BANP: variants seen among roughly 807,000 people sequenced by gnomAD.
The protein encoded by BANP is BTG3 associated nuclear protein.
BANP carries 11 observed loss-of-function variants against 68.1 expected under a neutral mutation model. The ratio of observed to expected loss-of-function variants is 0.16; its 90% confidence interval spans 0.10 to 0.27. The LOEUF (loss-of-function observed/expected upper bound fraction) is 0.27, where lower values mean the gene tolerates loss of function less well. Ranked by LOEUF, BANP falls within the 10% of genes least tolerant of loss-of-function variation. BANP has a pLI of 1.00. For synonymous variants in BANP, 329 were observed against 303.2 expected (o/e 1.09, Z -0.88); for missense variants, 504 against 722.7 (o/e 0.70, Z 3.47).
chr16:88,025,538 C>T (rs72818522), intron 7 of BANP, among the ~76,000 whole-genome samples: 28,309 of 152,102 alleles, frequency 0.19, 3,239 homozygotes, highest in South Asian at 0.28. Flanking sequence ...GGTGTTCTTC[C>T]CTCTCATCCT....
chr16:88,038,188 C>A (rs1187383940), intron 11 of BANP, among the ~76,000 whole-genome samples, 177 bp downstream of exon 11: 2 of 150,950 alleles, frequency 1.3e-5, no homozygotes, highest in African/African-American at 2.4e-5. Context: ...GGGCATTGCG[C>A]TGCCGAGGGG....
chr16:87,971,581 T>G (rs926537765), intron 1 of BANP, among the ~76,000 whole-genome samples: 4 of 151,900 alleles, frequency 2.6e-5, no homozygotes, highest in Non-Finnish European at 5.9e-5. Flanking sequence ...GGCTAAAAAA[T>G]TTTTCTTTAA....
intron 10 of BANP, 48 bp from the exon 11 acceptor site, chr16:88,037,925 C>T: frequency 6.3e-7 from 1 of 1,582,000 alleles, no homozygotes; most frequent in Middle Eastern, 1.7e-4. Context: ...CTGAGGGTGT[C>T]TTGGTGTGTT....
At chr16:87,982,813 G>A (rs575780180) in intron 3 of BANP, 5 of 152,344 alleles carry the variant, frequency 3.3e-5, no homozygotes, top group Admixed American at 3.3e-4. Flanking sequence ...GTGTACGCCA[G>A]GTTTCCATGC....
At chr16:87,967,139 C>T (rs537544574) in intron 1 of BANP, among the ~76,000 whole-genome samples, 1 of 152,140 alleles carries the variant, frequency 6.6e-6, no homozygotes, top group Admixed American at 6.5e-5. Flanking sequence ...TGGGCTCTTC[C>T]GTGAGCTCTG....
rs1027642364 is a variant in BANP, at chr16:87,957,313, G to A, written c.-69+5798G>A. ...CACATGGAGCAGAGGCGGCTGAGGA[G>A]GTGAAAGGCTGAGAGGAGGCTGCAG... On this transcript the variant is annotated intron_variant, in intron 1 of 13. Coordinates refer to ENST00000682872, the MANE Select transcript of BANP (RefSeq NM_001386991.1). The surrounding 1 kb of genome is among the most constrained non-coding windows in gnomAD (Gnocchi z 4.3). Among the ~76,000 whole-genome samples, 4 of 152,222 alleles carry A rather than the reference G, an allele frequency of 2.6e-5. No homozygotes were observed. Among genetic ancestry groups the A allele is most frequent in the African/African-American group, 9.6e-5 (4 of 41,458 alleles).
At chr16:88,027,115 G>A (rs2077152987) in intron 7 of BANP, among the ~76,000 whole-genome samples, 1 of 152,236 alleles carries the variant, frequency 6.6e-6, no homozygotes, top group African/African-American at 2.4e-5. Flanking sequence ...CAGGACCTTG[G>A]GTGCTGCTGT....
chr16:87,964,724 T>C (rs915783492), intron 1 of BANP, among the ~76,000 whole-genome samples: 1 of 151,882 alleles, frequency 6.6e-6, no homozygotes, highest in African/African-American at 2.4e-5. Context: ...TGTGAGCAGG[T>C]CTGAGGGGCG....
intron 1 of BANP, chr16:87,956,660 T>C (rs2058103057): frequency 1.3e-5 from 2 of 152,088 alleles, no homozygotes; most frequent in African/African-American, 4.8e-5. Flanking sequence ...CCGCCTGCTT[T>C]GGTTGTAATC....
Position 88,038,840 on chromosome 16 carries a change from T to C in BANP, c.1311+829T>C, listed in dbSNP as rs571584830. 1.1e-3 allele frequency among the ~76,000 whole-genome samples: 167 copies of C among 152,312 alleles called. 1 individual carries two copies. Among genetic ancestry groups the C allele is most frequent in the African/African-American group, 3.6e-3 (151 of 41,560 alleles). On this transcript the variant is annotated intron_variant, in intron 11 of 13. Coordinates refer to ENST00000682872, the MANE Select transcript of BANP (RefSeq NM_001386991.1). ...GGATCACTGAAGAATCTGGGTGATCTTCCCATTTCATAAAACAGAAGCTGG... is the reference window on the plus strand; with the variant it reads ...GGATCACTGAAGAATCTGGGTGATCCTCCCATTTCATAAAACAGAAGCTGG...
chr16:88,065,145 C>T (rs1405401430), intron 11 of BANP, 122 bp from the exon 12 acceptor site: 1 of 565,434 alleles, frequency 1.8e-6, no homozygotes, highest in Non-Finnish European at 3.2e-6. Flanking sequence ...AACAAACGAC[C>T]ACAGACCCCG....
Position 87,957,431 on chromosome 16 carries a change from G to A in BANP, c.-69+5916G>A, listed in dbSNP as rs749917034. ...TGCTCGTCTGTGTCCACATTCTGTC[G>A]TGGTTGAGACCGGATCCTGTGTGGA... On this transcript the variant is annotated intron_variant, in intron 1 of 13. Transcript: ENST00000682872. This position sits in a 1 kb window ranked among gnomAD's most constrained non-coding sequence, Gnocchi z 4.3. Among the ~76,000 whole-genome samples, 5 of 152,224 alleles carry A rather than the reference G, an allele frequency of 3.3e-5. No individual in the cohort carries two copies. The highest frequency in any genetic ancestry group is 5.9e-5 in the Non-Finnish European group (4 of 68,040).
At position 88,027,423 on chromosome 16, in the gene BANP, C is replaced by T. The variant is rs2077223344; in HGVS notation, c.896-60C>T. Reference sequence around the variant, plus strand: ...AGCGGGCCCCGGCCCTGCAGCCAGGCAGCTCCTGGTGGCTGTCCCGAACAG... The same window carrying T: ...AGCGGGCCCCGGCCCTGCAGCCAGGTAGCTCCTGGTGGCTGTCCCGAACAG... On this transcript the variant is annotated intron_variant, in intron 7 of 13. Coordinates refer to ENST00000682872, the MANE Select transcript of BANP (RefSeq NM_001386991.1). The T allele has an allele frequency of 9.4e-6, 15 of 1,593,252 alleles. No homozygotes were observed. In the South Asian group the frequency reaches 1.6e-4, roughly 17 times the overall value.
intron 8 of BANP, among the ~76,000 whole-genome samples, chr16:88,029,853 G>T (rs1246430726): frequency 6.6e-6 from 1 of 152,208 alleles, no homozygotes; most frequent in Non-Finnish European, 1.5e-5. Flanking sequence ...GGTTGGAGTT[G>T]AGAGAGGCTG....
chr16:88,037,884 C>A (rs1255772195), intron 10 of BANP, 89 bp from the exon 11 acceptor site: 1 of 1,300,554 alleles, frequency 7.7e-7, no homozygotes, highest in Non-Finnish European at 1.1e-6. Flanking sequence ...TCTCAAGTGG[C>A]CTGTGATGTG....
intron 7 of BANP, among the ~76,000 whole-genome samples, chr16:88,022,065 C>A (rs188543146): frequency 1.3e-5 from 2 of 152,062 alleles, no homozygotes; most frequent in African/African-American, 4.8e-5. Context: ...GTGGACCCCC[C>A]GAATTTGGGC....
chr16:87,966,652 T>C (rs993788364), intron 1 of BANP: 1 of 152,214 alleles, frequency 6.6e-6, no homozygotes, highest in African/African-American at 2.4e-5. Context: ...CTGAAGCCAC[T>C]TGCAGAGCTT....
At chr16:87,976,046 C>T (rs2062059612) in intron 2 of BANP, among the ~76,000 whole-genome samples, 1 of 152,162 alleles carries the variant, frequency 6.6e-6, no homozygotes, top group Non-Finnish European at 1.5e-5. Flanking sequence ...GTTAGCAGCT[C>T]TGCAGGATTC....
intron 12 of BANP, among the ~76,000 whole-genome samples, chr16:88,068,604 G>GT (rs1025640292): frequency 2.0e-5 from 3 of 152,150 alleles, no homozygotes; most frequent in African/African-American, 7.2e-5. Flanking sequence ...GAGCCCACTG[G>GT]TGCGGGTGCT....
Sources: allele counts gnomAD v4.1 joint callset (sites outside exome capture counted in the v4.1 genomes callset), GRCh38; gene constraint gnomAD v4.1.1; non-coding constraint Gnocchi (gnomAD v3.1); transcripts MANE v1.5; gene names NCBI Gene and HGNC (gene_info 2026-07-23, HGNC 2026-07-21).